INPP4B: variants seen among roughly 807,000 people sequenced by gnomAD.
INPP4B encodes the protein inositol polyphosphate 4-phosphatase type II.
A neutral mutation model predicts 122.5 loss-of-function variants in INPP4B; 55 were observed. The ratio of observed to expected loss-of-function variants is 0.45; its 90% CI spans 0.36 to 0.56. The LOEUF (loss-of-function observed/expected upper bound fraction) is 0.56. INPP4B is among the 20% of genes least tolerant of loss of function. The pLI is 0.00. For synonymous variants in INPP4B, 403 were observed against 388.7 expected (o/e 1.04, Z -0.43); for missense variants, 1,000 against 1,097.7 (o/e 0.91, Z 1.26).
intron 2 of INPP4B, among the ~76,000 whole-genome samples, chr4:142,568,842 G>A (rs1336236091): frequency 1.3e-5 from 2 of 152,024 alleles, no homozygotes; most frequent in Non-Finnish European, 2.9e-5. Flanking sequence ...CTTCTCAGTA[G>A]GTGATAATTT....
chr4:142,779,233 G>A (rs895640515), intron 1 of INPP4B, among the ~76,000 whole-genome samples: 4 of 151,808 alleles, frequency 2.6e-5, no homozygotes, highest in Non-Finnish European at 5.9e-5. Flanking sequence ...AGTACTAAAA[G>A]TATTAAATAT....
chr4:142,108,669 C>T (rs336332), intron 22 of INPP4B, among the ~76,000 whole-genome samples: 81,049 of 152,008 alleles, frequency 0.53, 25,061 homozygotes, highest in Non-Finnish European at 0.68. Context: ...TGTAGGCACA[C>T]GTAGAGCCAG....
chr4:142,310,876 C>T (rs531747466), intron 8 of INPP4B, among the ~76,000 whole-genome samples: 1 of 152,216 alleles, frequency 6.6e-6, no homozygotes, highest in South Asian at 2.1e-4. Context: ...TCATTTATTA[C>T]AGAATTTTAT....
At chr4:142,474,803 C>G (rs1269074916) in intron 2 of INPP4B, among the ~76,000 whole-genome samples, 1 of 151,760 alleles carries the variant, frequency 6.6e-6, no homozygotes, top group Non-Finnish European at 1.5e-5. Context: ...CTGCCCCTAC[C>G]TCTCTTAGCT....
rs149802808 is a variant in INPP4B, at chr4:142,124,765, G to C, written c.1721-5C>G. 1.8e-4 allele frequency: 269 copies of C among 1,528,502 alleles called. No individual in the cohort carries two copies. The African/African-American group carries it at 3.4e-3, about 19-fold the overall frequency. The allele number at this position is 1,528,502 out of a possible 1,614,324, so 94.7% of individuals were successfully genotyped here. On this transcript the variant is annotated splice_polypyrimidine_tract_variant and splice_region_variant and intron_variant, in intron 18 of 25. Coordinates refer to ENST00000262992, the MANE Select transcript of INPP4B (RefSeq NM_001101669.3). ...ACAACTGTTCATACCAGTCCTCTGG[G>C]GGAAGGGGGTGTAAGAACAGTGCAA... is the stretch of plus-strand genomic sequence containing the variant.
chr4:142,226,070 T>A (rs1347242759), intron 12 of INPP4B, among the ~76,000 whole-genome samples: 1 of 152,146 alleles, frequency 6.6e-6, no homozygotes, highest in African/African-American at 2.4e-5. Context: ...AGTACAAAAT[T>A]TGAAGAAAAT....
At chr4:142,837,614 C>G (rs76004175) in intron 1 of INPP4B, among the ~76,000 whole-genome samples, 1 of 152,034 alleles carries the variant, frequency 6.6e-6, no homozygotes, top group Admixed American at 6.6e-5. Flanking sequence ...TAAATTTTAG[C>G]TTTTGTTGTT....
intron 2 of INPP4B, among the ~76,000 whole-genome samples, chr4:142,626,454 C>A (rs1320813047): frequency 6.6e-6 from 1 of 151,950 alleles, no homozygotes; most frequent in South Asian, 2.1e-4. Flanking sequence ...CCACAGGAGG[C>A]TGAGATCAAC....
intron 2 of INPP4B, among the ~76,000 whole-genome samples, chr4:142,497,831 C>A (rs1205504241): frequency 6.6e-6 from 1 of 152,032 alleles, no homozygotes; most frequent in African/African-American, 2.4e-5. Flanking sequence ...ATGGCTTAAC[C>A]TCCATTAAGG....
intron 2 of INPP4B, among the ~76,000 whole-genome samples, chr4:142,714,961 A>G (rs1042753601): frequency 2.0e-5 from 3 of 152,206 alleles, no homozygotes; most frequent in Non-Finnish European, 4.4e-5. Context: ...AAGAAAATAA[A>G]CAATTGTCCA....
In INPP4B at chr4:142,333,193, G is replaced by T. The variant is rs529556330; in HGVS notation, c.373-18431C>A. 2.0e-5 allele frequency among the ~76,000 whole-genome samples: 3 copies of T among 152,232 alleles called. No individual in the cohort carries two copies. The East Asian group carries it at 5.8e-4, about 29-fold the overall frequency. ...TTAATTAGTTGGGGTCATATGCTTT[G>T]TTCTCTCTTTTCCTGATCCTTAAAA... On this transcript the variant is annotated intron_variant, in intron 7 of 25. Transcript: ENST00000262992.
intron 14 of INPP4B, among the ~76,000 whole-genome samples, chr4:142,195,950 C>T (rs1020944563): frequency 6.6e-6 from 1 of 152,144 alleles, no homozygotes; most frequent in Non-Finnish European, 1.5e-5. Flanking sequence ...TTAGCATCCT[C>T]CAAAGCTACT....
In INPP4B at chr4:142,119,094, A is replaced by T. The variant is rs183682712; in HGVS notation, c.2135+3034T>A. ...AGAAATGCAAATCAAAACCAAAATG[A>T]GATACCATCTCAAGCCAGTTAGAAT... On this transcript the variant is annotated intron_variant, in intron 21 of 25. Transcript: ENST00000262992. 9.2e-5 allele frequency among the ~76,000 whole-genome samples: 14 copies of T among 152,302 alleles called. No homozygotes were observed. In the East Asian group the frequency reaches 2.7e-3, roughly 29 times the overall value.
chr4:142,578,126 T>C (rs1369793139), intron 2 of INPP4B, among the ~76,000 whole-genome samples: 1 of 151,972 alleles, frequency 6.6e-6, no homozygotes, highest in African/African-American at 2.4e-5. Flanking sequence ...GTCTGCCATA[T>C]ACATAATGAT....
chr4:142,078,394 C>T (rs1225220241), intron 25 of INPP4B, among the ~76,000 whole-genome samples: 4 of 151,974 alleles, frequency 2.6e-5, no homozygotes, highest in Admixed American at 1.3e-4. Flanking sequence ...ATTTAAAATG[C>T]TTATGTATGC....
chr4:142,646,498 T>C (rs1297244290), intron 2 of INPP4B, among the ~76,000 whole-genome samples: 1 of 152,164 alleles, frequency 6.6e-6, no homozygotes, highest in Non-Finnish European at 1.5e-5. Flanking sequence ...TTCAAAACTC[T>C]GTGAAAAAAT....
At chr4:142,553,770 T>C (rs531678458) in intron 2 of INPP4B, among the ~76,000 whole-genome samples, 5 of 152,336 alleles carry the variant, frequency 3.3e-5, no homozygotes, top group Middle Eastern at 3.4e-3. Context: ...ATAAAACATT[T>C]GCCCTTAAAC....
chr4:142,808,171 C>G (rs936863971), intron 1 of INPP4B, among the ~76,000 whole-genome samples: 8 of 152,048 alleles, frequency 5.3e-5, no homozygotes, highest in Non-Finnish European at 1.5e-5. Flanking sequence ...CAACTAGATT[C>G]TTTCTTGAGG....
intron 2 of INPP4B, among the ~76,000 whole-genome samples, chr4:142,490,889 C>T (rs751879741): frequency 6.6e-6 from 1 of 152,134 alleles, no homozygotes; most frequent in African/African-American, 2.4e-5. Flanking sequence ...TTGCAAATGA[C>T]AGGATTTCCT....
Sources: allele counts gnomAD v4.1 joint callset (sites outside exome capture counted in the v4.1 genomes callset), GRCh38; gene constraint gnomAD v4.1.1; transcripts MANE v1.5; gene names NCBI Gene and HGNC (gene_info 2026-07-23, HGNC 2026-07-21).